The following USP35 variants were observed in gnomAD, a reference collection of about 807,000 sequenced individuals.
USP35 encodes ubiquitin specific peptidase 35.
USP35 carries 69 observed loss-of-function variants against 83.8 expected under a neutral mutation model. The ratio of observed to expected loss-of-function variants is 0.82; its 90% CI spans 0.68 to 1.01. USP35 has a LOEUF of 1.01. Among genes scored for constraint, USP35 ranks in the 50% least tolerant of loss-of-function variants. The probability of loss-of-function intolerance (pLI) is 0.00; values close to 1 mark genes in which losing one functional copy is unlikely to be tolerated. For missense variants in USP35, 1,503 were observed against 1,362.5 expected, an observed-to-expected ratio of 1.10 and a Z score of -1.62; for synonymous variants, 714 against 589.5, an observed-to-expected ratio of 1.21 and a Z score of -3.06.
chr11:78,199,375 C>T (rs1863265734), intron 3 of USP35: 3 of 601,234 alleles, frequency 5.0e-6, no homozygotes, highest in Non-Finnish European at 8.6e-6. Context: ...GGGCCTGGCT[C>T]CCTTCTTGGT....
At position 78,213,744 on chromosome 11, in the gene USP35, T is replaced by C. The variant is rs1342637165; in HGVS notation, c.2988T>C (p.Asp996=). Residue 996 remains aspartate, a synonymous_variant, in exon 11 of 11, where the codon GAT becomes GAC. Coordinates refer to ENST00000529308, the MANE Select transcript of USP35 (RefSeq NM_020798.4). ...GRGFDEDKDE[D]EGSPGGCNPA... Reference sequence around the variant, plus strand: ...GCTTTGATGAAGACAAGGATGAGGATGAAGGCTCTCCAGGGGGCTGCAATC... The same window carrying C: ...GCTTTGATGAAGACAAGGATGAGGACGAAGGCTCTCCAGGGGGCTGCAATC... The C allele has an allele frequency of 4.5e-6, 7 of 1,542,324 alleles. No individual in the cohort carries two copies. Among genetic ancestry groups the C allele is most frequent in the Non-Finnish European group, 6.1e-6 (7 of 1,153,888 alleles).
the USP35 span, among the ~76,000 whole-genome samples, chr11:78,231,327 C>T: frequency 5.3e-5 from 6 of 112,218 alleles, no homozygotes; most frequent in East Asian, 2.6e-4. Context: ...TGCGCGCGCG[C>T]GCGTGTGTGG....
the USP35 span, chr11:78,223,306 G>T: frequency 1.2e-6 from 1 of 865,058 alleles, no homozygotes; most frequent in East Asian, 2.8e-5. Context: ...TACATGATTT[G>T]CCCCAAGTCA....
rs190907035 is a variant in USP35 at position 78,195,195 on chromosome 11, T to C, written c.-10-1041T>C. Among the ~76,000 whole-genome samples, 4 of 152,256 alleles carry C rather than the reference T, an allele frequency of 2.6e-5. No homozygotes were observed. The East Asian group carries it at 7.7e-4, about 29-fold the overall frequency. On this transcript the variant is annotated intron_variant, in intron 1 of 10. Transcript: ENST00000529308. ...CAGCACTAACTGATTCCAGCTGTAA[T>C]GCAAGAGGCCCCAGCGGATTGTAGG...
intron 3 of USP35, 124 bp downstream of exon 3, chr11:78,198,192 G>A: frequency 7.0e-7 from 1 of 1,422,636 alleles, no homozygotes; most frequent in South Asian, 1.3e-5. Flanking sequence ...GCCCTCATGT[G>A]TGTTCCATCA....
chr11:78,222,494 T>A, the USP35 span, among the ~76,000 whole-genome samples: 10 of 149,812 alleles, frequency 6.7e-5, no homozygotes, highest in South Asian at 1.7e-3. Flanking sequence ...ATTTATGACT[T>A]CATTTAAAAA....
chr11:78,213,864 C>A lies in USP35; in HGVS notation c.*51C>A. 6.6e-7 allele frequency: 1 copy of A among 1,523,072 alleles called. No homozygotes were observed. The highest frequency in any genetic ancestry group is 2.6e-5 in the East Asian group (1 of 38,220). 94.3% of individuals were successfully genotyped at this position (1,523,072 alleles called of 1,614,324 possible). A position where few individuals can be genotyped will look rare whatever the true frequency, so the allele number is the denominator to read the frequency against. ...CTTCCCTCCAGGAGCCAGGTAGGGC[C>A]TGAGGGAAGCTGTGGAGGCAGGCCC... On this transcript the variant is annotated 3_prime_UTR_variant, in exon 11 of 11. Transcript: ENST00000529308.
At chr11:78,235,345 G>C in the USP35 span, among the ~76,000 whole-genome samples, 1 of 151,984 alleles carries the variant, frequency 6.6e-6, no homozygotes, top group African/African-American at 2.4e-5. Context: ...GTAGAGATGG[G>C]GTTTCACCGT....
At chr11:78,224,737 C>A in the USP35 span, among the ~76,000 whole-genome samples, 1 of 152,072 alleles carries the variant, frequency 6.6e-6, no homozygotes, top group African/African-American at 2.4e-5. Flanking sequence ...ACTGTGAGTA[C>A]CACCCTTGCC....
intron 10 of USP35, 69 bp downstream of exon 10, chr11:78,210,813 G>C (rs941621556): frequency 3.6e-5 from 52 of 1,445,318 alleles, no homozygotes; most frequent in Middle Eastern, 3.8e-4. Flanking sequence ...TACTGGCTTA[G>C]ATAAGTCATT....
At position 78,196,318 on chromosome 11, in the gene USP35, G is replaced by A. The variant is rs1216169798; in HGVS notation, c.73G>A (p.Val25Met). 1 of 1,589,732 alleles carries A rather than the reference G, an allele frequency of 6.3e-7. No homozygotes were observed. Among genetic ancestry groups the A allele is most frequent in the East Asian group, 2.3e-5 (1 of 43,454 alleles). ...CGTGAAGCAGGGGCTGGTTCGGCGC[G>A]TGCTGGAGGCGGCGCGGCAGCCGCT... ...VSVKQGLVRRVLEAARQPLER... is the reference protein window; with the variant it reads ...VSVKQGLVRRMLEAARQPLER... Residue 25 changes from valine (V) to methionine (M), a missense_variant, in exon 2 of 11, where the codon GTG becomes ATG. By Grantham distance (21) the Val-to-Met change is conservative. Transcript: ENST00000529308. This position sits in a 1 kb window ranked among gnomAD's most constrained non-coding sequence, Gnocchi z 4.8.
chr11:78,226,940 T>C, the USP35 span: 1 of 1,613,868 alleles, frequency 6.2e-7, no homozygotes. Flanking sequence ...AGCCATGGAC[T>C]TGACCACTGA....
chr11:78,203,790 G>T (rs982675068), intron 6 of USP35, among the ~76,000 whole-genome samples: 1 of 151,622 alleles, frequency 6.6e-6, no homozygotes, highest in East Asian at 1.9e-4. Flanking sequence ...GTGTTAGCCA[G>T]GATGGTCTCG....
intron 6 of USP35, among the ~76,000 whole-genome samples, chr11:78,204,353 C>T (rs1863469682): frequency 6.6e-6 from 1 of 152,090 alleles, no homozygotes; most frequent in Non-Finnish European, 1.5e-5. Context: ...TGTACATATG[C>T]CTTTGTAAAT....
At chr11:78,193,132 G>A (rs1221166066) in intron 1 of USP35, among the ~76,000 whole-genome samples, 1 of 152,208 alleles carries the variant, frequency 6.6e-6, no homozygotes, top group Non-Finnish European at 1.5e-5. Context: ...CACAGCAACT[G>A]CCTTGTCACG....
the USP35 span, chr11:78,223,691 A>T: frequency 6.4e-7 from 1 of 1,571,024 alleles, no homozygotes; most frequent in Non-Finnish European, 8.6e-7. Flanking sequence ...GGAGAGGAAC[A>T]GTGAAAGAAA....
chr11:78,216,157 A>G (rs1357149140), downstream of USP35: 1 of 152,598 alleles, frequency 6.6e-6, no homozygotes, highest in Admixed American at 6.5e-5. Context: ...CTCCCATTCC[A>G]CAGACAGGCA....
the USP35 span, chr11:78,226,566 G>C: frequency 1.9e-6 from 3 of 1,596,612 alleles, no homozygotes; most frequent in Admixed American, 5.1e-5. Context: ...TCTCTGCTGA[G>C]GACTGCCCCA....
At chr11:78,206,232 A>C (rs537020598) in intron 7 of USP35, among the ~76,000 whole-genome samples, 197 bp downstream of exon 7, 1 of 152,284 alleles carries the variant, frequency 6.6e-6, no homozygotes, top group East Asian at 1.9e-4. Flanking sequence ...ATGGGAACTC[A>C]AGAAGGGGCT....
Sources: gnomAD v4.1 joint callset for allele counts (sites outside exome capture counted in the v4.1 genomes callset) on GRCh38, gnomAD v4.1.1 for gene constraint, Gnocchi (gnomAD v3.1) non-coding constraint, MANE v1.5 for transcripts, NCBI Gene and HGNC (gene_info 2026-07-23, HGNC 2026-07-21) for gene names.